GRM8: variants seen among roughly 807,000 people sequenced by gnomAD.
GRM8 encodes glutamate metabotropic receptor 8.
GRM8 carries 47 observed loss-of-function variants against 87.2 expected under a neutral mutation model. The ratio of observed to expected loss-of-function variants is 0.54; its 90% CI spans 0.43 to 0.69. The LOEUF is 0.69. Ranked by LOEUF, GRM8 falls within the 30% of genes least tolerant of loss-of-function variation. The pLI, the probability that GRM8 is intolerant of heterozygous loss-of-function variation, is 0.00. For synonymous variants in GRM8, 396 were observed against 404.5 expected, an observed-to-expected ratio of 0.98 and a Z score of 0.25; for missense variants, 1,019 against 1,139.2, an observed-to-expected ratio of 0.89 and a Z score of 1.52.
intron 7 of GRM8, among the ~76,000 whole-genome samples, chr7:126,690,953 G>A (rs754779321): frequency 6.6e-6 from 1 of 152,124 alleles, no homozygotes; most frequent in Admixed American, 6.5e-5. Context: ...ATTGGTCCAT[G>A]GGCAGCCATG....
Position 126,810,569 on chromosome 7 carries a change from C to T in GRM8, c.1157-40504G>A, listed in dbSNP as rs138882192. Among the ~76,000 whole-genome samples, 621 of 152,248 alleles carry T rather than the reference C, an allele frequency of 4.1e-3. 14 individuals are homozygous for T. Among genetic ancestry groups the T allele is most frequent in the Admixed American group, 0.036 (554 of 15,288 alleles). ...TCCTTACACAGTACAGACATTACTA[C>T]TGACTAAGAGCAAACAATGCTTTTC... On this transcript the variant is annotated intron_variant, in intron 6 of 10. Coordinates refer to ENST00000339582, the MANE Select transcript of GRM8 (RefSeq NM_000845.3).
intron 9 of GRM8, among the ~76,000 whole-genome samples, chr7:126,520,078 T>C (rs899149810): frequency 4.1e-5 from 6 of 147,610 alleles, no homozygotes; most frequent in Admixed American, 6.9e-5. Context: ...CTGAGACCTA[T>C]GGACAAAAGG....
At chr7:126,510,581 G>A (rs1811193687) in intron 9 of GRM8, among the ~76,000 whole-genome samples, 1 of 16,634 alleles carries the variant, frequency 6.0e-5, no homozygotes, top group Middle Eastern at 0.056. Context: ...AAGAACCATG[G>A]TGGCTACCCT....
chr7:126,976,956 C>G (rs1231350617), intron 3 of GRM8, among the ~76,000 whole-genome samples: 1 of 151,456 alleles, frequency 6.6e-6, no homozygotes, highest in Admixed American at 6.6e-5. Flanking sequence ...AATGCAACAC[C>G]TATTTTCCAC....
chr7:126,712,260 T>C (rs1328527171), intron 7 of GRM8, among the ~76,000 whole-genome samples: 1 of 152,076 alleles, frequency 6.6e-6, no homozygotes, highest in African/African-American at 2.4e-5. Context: ...GAATAGCAGG[T>C]TGGTGGAGAA....
chr7:126,712,537 G>C (rs1811209446), intron 7 of GRM8, among the ~76,000 whole-genome samples: 1 of 152,134 alleles, frequency 6.6e-6, no homozygotes, highest in African/African-American at 2.4e-5. Context: ...CACAGTACCT[G>C]TGAGGCGCAA....
intron 7 of GRM8, among the ~76,000 whole-genome samples, chr7:126,677,214 A>G (rs1362498775): frequency 6.6e-6 from 1 of 152,184 alleles, no homozygotes; most frequent in Non-Finnish European, 1.5e-5. Context: ...ATGTTGGCAC[A>G]GATGTAGTGA....
chr7:126,851,455 T>C (rs538137236), intron 6 of GRM8, among the ~76,000 whole-genome samples: 1 of 152,188 alleles, frequency 6.6e-6, no homozygotes, highest in Non-Finnish European at 1.5e-5. Flanking sequence ...TAAGTTCCCA[T>C]CTCAAAGTAA....
intron 7 of GRM8, among the ~76,000 whole-genome samples, chr7:126,698,957 G>C (rs1448766335): frequency 6.6e-6 from 1 of 152,124 alleles, no homozygotes; most frequent in Non-Finnish European, 1.5e-5. Flanking sequence ...ACCATCATAG[G>C]CACTTTCTCT....
chr7:126,641,388 G>A (rs191380299), intron 7 of GRM8, among the ~76,000 whole-genome samples: 29 of 152,148 alleles, frequency 1.9e-4, no homozygotes, highest in African/African-American at 3.4e-4. Flanking sequence ...ATGAGTAAGC[G>A]TCAGTGACTT....
chr7:126,748,332 A>G (rs2151532138), intron 7 of GRM8, among the ~76,000 whole-genome samples: 1 of 152,250 alleles, frequency 6.6e-6, no homozygotes, highest in Non-Finnish European at 1.5e-5. Context: ...TGAACATACA[A>G]AAATAAGTTT....
At chr7:126,520,658 G>C (rs886429016) in intron 9 of GRM8, among the ~76,000 whole-genome samples, 1 of 152,062 alleles carries the variant, frequency 6.6e-6, no homozygotes. Flanking sequence ...GGGAGGGGAA[G>C]ATATAAAATG....
At chr7:126,918,975 T>C (rs1804211642) in intron 3 of GRM8, among the ~76,000 whole-genome samples, 1 of 152,188 alleles carries the variant, frequency 6.6e-6, no homozygotes, top group Non-Finnish European at 1.5e-5. Context: ...ACAATTTCCA[T>C]TCATGCAGTG....
chr7:126,834,038 AAAG>A (rs1488594903), intron 6 of GRM8, among the ~76,000 whole-genome samples: 1 of 152,176 alleles, frequency 6.6e-6, no homozygotes, highest in Non-Finnish European at 1.5e-5. Context: ...TCAAAGACTG[AAAG>A]AAGTGTATTC....
chr7:126,679,478 C>A (rs1807318750), intron 7 of GRM8, among the ~76,000 whole-genome samples: 1 of 152,150 alleles, frequency 6.6e-6, no homozygotes, highest in Admixed American at 6.5e-5. Flanking sequence ...GATGGAAACA[C>A]TAATGCCTAG....
At chr7:126,941,551 C>T (rs191159252) in intron 3 of GRM8, among the ~76,000 whole-genome samples, 3 of 150,532 alleles carry the variant, frequency 2.0e-5, no homozygotes, top group Non-Finnish European at 3.0e-5. Flanking sequence ...ACCCAGGAGG[C>T]GGAGCCTGCA....
At chr7:126,866,375 A>G (rs1798588724) in intron 6 of GRM8, among the ~76,000 whole-genome samples, 1 of 124,028 alleles carries the variant, frequency 8.1e-6, no homozygotes, top group Non-Finnish European at 1.8e-5. Flanking sequence ...TTGTTCTTTC[A>G]CTTTCTTGGT....
At chr7:127,196,141 T>A (rs566849307) in intron 2 of GRM8, among the ~76,000 whole-genome samples, 1 of 152,250 alleles carries the variant, frequency 6.6e-6, no homozygotes, top group East Asian at 1.9e-4. Context: ...GACATTCAAG[T>A]TTGGGGGGAT....
At chr7:126,930,909 C>T (rs1805695955) in intron 3 of GRM8, among the ~76,000 whole-genome samples, 1 of 152,158 alleles carries the variant, frequency 6.6e-6, no homozygotes, top group Non-Finnish European at 1.5e-5. Flanking sequence ...TCCTCTGTCC[C>T]CATCCATCTG....
Sources: allele counts gnomAD v4.1 joint callset (sites outside exome capture counted in the v4.1 genomes callset), GRCh38; gene constraint gnomAD v4.1.1; transcripts MANE v1.5; gene names NCBI Gene and HGNC (gene_info 2026-07-23, HGNC 2026-07-21).